The following SLC43A2 variants were observed in gnomAD, a reference collection of about 807,000 sequenced individuals.
SLC43A2 encodes large neutral amino acids transporter small subunit 4.
SLC43A2 carries 38 observed loss-of-function variants against 63.2 expected under a neutral mutation model. The observed-to-expected ratio is 0.60, with a 90% confidence interval of 0.46 to 0.79. The LOEUF is 0.79. Among genes scored for constraint, SLC43A2 ranks in the 30% least tolerant of loss-of-function variants. SLC43A2 has a pLI of 0.00. For missense variants in SLC43A2, 644 were observed against 756.2 expected (o/e 0.85, Z 1.74); for synonymous variants, 322 against 331.0 (o/e 0.97, Z 0.30).
intron 5 of SLC43A2, among the ~76,000 whole-genome samples, chr17:1,594,797 C>G (rs1411783097): frequency 6.6e-6 from 1 of 151,650 alleles, no homozygotes; most frequent in Non-Finnish European, 1.5e-5. Context: ...ACCACGTTAG[C>G]CAGGATGGTC....
At chr17:1,582,790 A>G (rs2076040022) in intron 11 of SLC43A2, among the ~76,000 whole-genome samples, 1 of 152,142 alleles carries the variant, frequency 6.6e-6, no homozygotes, top group Non-Finnish European at 1.5e-5. Context: ...GAAAGTCATC[A>G]TCTGAGCTGG....
intron 3 of SLC43A2, among the ~76,000 whole-genome samples, chr17:1,615,820 G>A (rs2151075032): frequency 6.8e-6 from 1 of 147,042 alleles, no homozygotes; most frequent in South Asian, 2.2e-4. Context: ...TCTAGCCTGG[G>A]CGACAGAGGG....
chr17:1,593,430 C>A lies in SLC43A2; in HGVS notation c.502-151G>T. The A allele has an allele frequency of 1.4e-6, 1 of 703,618 alleles. No individual in the cohort carries two copies. Among genetic ancestry groups the A allele is most frequent in the South Asian group, 1.7e-5 (1 of 59,520 alleles). The allele number at this position is 703,618 out of a possible 1,614,324, so 43.6% of individuals were successfully genotyped here. On this transcript the variant is annotated intron_variant, in intron 5 of 13. Coordinates refer to ENST00000301335, the MANE Select transcript of SLC43A2 (RefSeq NM_152346.3). This position sits in a 1 kb window ranked among gnomAD's most constrained non-coding sequence, Gnocchi z 5.3. ...AGGGGCATTAGTTCAGGGGCAATGA[C>A]CGCTCACTGAAGGTTTCTCCTTCAT...
chr17:1,591,172 G>A lies in SLC43A2; in HGVS notation c.931+97C>T, dbSNP rs931007320. ...GCGCCTCTGCAGAACAGGGCGGGCG[G>A]GGCCGCCTCCCCTTTTGGGGTGAGG... On this transcript the variant is annotated intron_variant, in intron 8 of 13. Transcript: ENST00000301335. The A allele has an allele frequency of 1.3e-5, 20 of 1,481,592 alleles. No individual in the cohort carries two copies. In the Admixed American group the frequency reaches 3.0e-4, roughly 22 times the overall value. 91.8% of individuals were successfully genotyped at this position (1,481,592 alleles called of 1,614,324 possible).
At chr17:1,604,994 CGGAGGGGAAGGACCCCA>C (rs925934097) in intron 5 of SLC43A2, 8 of 1,439,220 alleles carry the variant, frequency 5.6e-6, no homozygotes, top group Non-Finnish European at 7.3e-6. Flanking sequence ...CGAGGGCTGG[CGGAGGGGAAGGACCCCA>C]GGAGGGGAAG....
intron 2 of SLC43A2, among the ~76,000 whole-genome samples, chr17:1,622,378 AC>A (rs1908236112): frequency 6.6e-6 from 1 of 151,548 alleles, no homozygotes; most frequent in Non-Finnish European, 1.5e-5. Flanking sequence ...CGTGGCTAAC[AC>A]GGTGAAACCC....
chr17:1,616,542 C>G lies in SLC43A2; in HGVS notation c.368+20G>C, dbSNP rs780953992. 2.6e-5 allele frequency: 41 copies of G among 1,596,386 alleles called. No homozygotes were observed. Among genetic ancestry groups the G allele is most frequent in the Middle Eastern group, 1.8e-4 (1 of 5,480 alleles). ...GGGTCCACCTGCCCACTCCCTGCCC[C>G]CTAAGGGACCCACACTGACCTGCCC... On this transcript the variant is annotated intron_variant, in intron 3 of 13. Coordinates refer to ENST00000301335, the MANE Select transcript of SLC43A2 (RefSeq NM_152346.3).
intron 5 of SLC43A2, among the ~76,000 whole-genome samples, chr17:1,612,161 A>G (rs1351216783): frequency 1.3e-5 from 2 of 151,968 alleles, no homozygotes; most frequent in Admixed American, 1.3e-4. Context: ...ACGGGGTTTC[A>G]CCATGTTGGC....
intron 6 of SLC43A2, among the ~76,000 whole-genome samples, chr17:1,592,430 C>A (rs893198593): frequency 2.5e-4 from 38 of 152,016 alleles, no homozygotes; most frequent in Non-Finnish European, 1.9e-4. Context: ...CTGTTCCCCC[C>A]CAAAAAAAGG....
chr17:1,600,154 T>TATTTTTTA (rs1567630909), intron 5 of SLC43A2, among the ~76,000 whole-genome samples: 1 of 28,990 alleles, frequency 3.4e-5, no homozygotes, highest in Non-Finnish European at 6.5e-5. Flanking sequence ...ATATATATAT[T>TATTTTTTA]TTTTTTTTTT....
At chr17:1,575,966 C>G (rs1024722553) in intron 13 of SLC43A2, among the ~76,000 whole-genome samples, 2 of 152,142 alleles carry the variant, frequency 1.3e-5, no homozygotes, top group Non-Finnish European at 2.9e-5. Flanking sequence ...AGGGCCTGGG[C>G]CCCCAGGAAA....
intron 2 of SLC43A2, 31 bp downstream of exon 2, chr17:1,627,684 A>C: frequency 3.6e-6 from 3 of 826,200 alleles, no homozygotes; most frequent in Non-Finnish European, 4.9e-6. Flanking sequence ...CAGCTCCAGG[A>C]GCCCCCCGCA....
intron 9 of SLC43A2, among the ~76,000 whole-genome samples, chr17:1,588,774 C>T (rs760905351): frequency 3.9e-5 from 6 of 152,004 alleles, no homozygotes; most frequent in Non-Finnish European, 5.9e-5. Flanking sequence ...TCCCTGAATC[C>T]GCAACTCCTG....
At chr17:1,586,935 C>CCCCCCCCCCCA in intron 9 of SLC43A2, 1 of 1,509,130 alleles carries the variant, frequency 6.6e-7, no homozygotes, top group Non-Finnish European at 8.9e-7. Flanking sequence ...CAATCCCCCC[C>CCCCCCCCCCCA]ACCCCCCGCT....
At chr17:1,595,034 A>G (rs866631917) in intron 5 of SLC43A2, among the ~76,000 whole-genome samples, 1 of 151,950 alleles carries the variant, frequency 6.6e-6, no homozygotes, top group Admixed American at 6.6e-5. Flanking sequence ...AGTTAAAAAA[A>G]AGAGAGAGAG....
chr17:1,595,676 C>T (rs1188871975), intron 5 of SLC43A2, among the ~76,000 whole-genome samples: 2 of 151,474 alleles, frequency 1.3e-5, no homozygotes, highest in Non-Finnish European at 2.9e-5. Context: ...AACTCCTGAC[C>T]TCAAGCGATC....
intron 9 of SLC43A2, among the ~76,000 whole-genome samples, chr17:1,588,360 C>T (rs138704737): frequency 5.9e-4 from 88 of 149,230 alleles, no homozygotes; most frequent in Middle Eastern, 3.5e-3. Context: ...TGCTCCAGCC[C>T]GGGTGACAAG....
intron 9 of SLC43A2, among the ~76,000 whole-genome samples, chr17:1,589,929 T>C (rs1904591322): frequency 2.0e-5 from 3 of 152,192 alleles, no homozygotes; most frequent in Non-Finnish European, 4.4e-5. Flanking sequence ...TAGACTACCA[T>C]TTTCACAGTA....
chr17:1,625,604 T>G (rs1181852153), intron 2 of SLC43A2, among the ~76,000 whole-genome samples: 2 of 152,192 alleles, frequency 1.3e-5, no homozygotes, highest in Non-Finnish European at 2.9e-5. Flanking sequence ...TGCGGGGATT[T>G]CTGGCCTGAA....
Sources: allele counts gnomAD v4.1 joint callset (sites outside exome capture counted in the v4.1 genomes callset), GRCh38; gene constraint gnomAD v4.1.1; non-coding constraint Gnocchi (gnomAD v3.1); transcripts MANE v1.5; gene names NCBI Gene and HGNC (gene_info 2026-07-23, HGNC 2026-07-21).